Variants in VKORC1L1 observed in about 807,000 individuals in gnomAD.
The protein encoded by VKORC1L1 is vitamin K epoxide reductase complex subunit 1L1, also known as vitamin K epoxide reductase complex subunit 1-like protein 1.
VKORC1L1 carries 2 observed loss-of-function variants against 18.9 expected under a neutral mutation model. The ratio of observed to expected loss-of-function variants is 0.11; its 90% confidence interval spans 0.04 to 0.33. The LOEUF is 0.33. Among genes scored for constraint, VKORC1L1 ranks in the 10% least tolerant of loss-of-function variants. The pLI is 1.00. For synonymous variants in VKORC1L1, 96 were observed against 100.0 expected (o/e 0.96, Z 0.24); for missense variants, 123 against 224.1 (o/e 0.55, Z 2.88).
At chr7:65,895,471 AAAAAAAAAAATATAT>A (rs1415848852) in intron 1 of VKORC1L1, among the ~76,000 whole-genome samples, 12 of 56,010 alleles carry the variant, frequency 2.1e-4, no homozygotes, top group East Asian at 5.7e-4. Flanking sequence ...AAAAAAAAAA[AAAAAAAAAAATATAT>A]ATATATATAT....
chr7:65,896,776 T>G (rs1234113471), intron 1 of VKORC1L1, among the ~76,000 whole-genome samples: 2 of 152,100 alleles, frequency 1.3e-5, no homozygotes, highest in African/African-American at 2.4e-5. Flanking sequence ...TGAGGCAGGC[T>G]GATCACTTGA....
intron 1 of VKORC1L1, among the ~76,000 whole-genome samples, chr7:65,918,620 C>T (rs968358150): frequency 6.6e-6 from 1 of 152,224 alleles, no homozygotes; most frequent in Non-Finnish European, 1.5e-5. Context: ...GCATCCATTT[C>T]AAGGTGCTTT....
At chr7:65,909,879 G>A (rs145028646) in intron 1 of VKORC1L1, among the ~76,000 whole-genome samples, 10,785 of 151,874 alleles carry the variant, frequency 0.071, 1,258 homozygotes, top group African/African-American at 0.24. Context: ...CACCATGCCC[G>A]GCTAATTTTT....
At chr7:65,875,068 A>G (rs1028071632) in intron 1 of VKORC1L1, among the ~76,000 whole-genome samples, 3 of 152,214 alleles carry the variant, frequency 2.0e-5, no homozygotes, top group Non-Finnish European at 4.4e-5. Context: ...TGGACATAAA[A>G]TAGTTTAACT....
intron 1 of VKORC1L1, among the ~76,000 whole-genome samples, chr7:65,902,223 AACAG>A (rs1381139763): frequency 5.9e-5 from 9 of 152,250 alleles, no homozygotes; most frequent in African/African-American, 1.7e-4. Context: ...TGATGGAATT[AACAG>A]ACAAAGACAT....
Position 65,873,137 on chromosome 7 carries a change from G to GCGCGCGCCTTCCCCGCCC in VKORC1L1, c.-232_-215dup, listed in dbSNP as rs1788752335. The GCGCGCGCCTTCCCCGCCC allele has an allele frequency of 3.1e-6, 1 of 327,798 alleles. No homozygotes were observed. Among genetic ancestry groups the GCGCGCGCCTTCCCCGCCC allele is most frequent in the Non-Finnish European group, 4.4e-6 (1 of 229,684 alleles). 20.3% of individuals were successfully genotyped at this position (327,798 alleles called of 1,614,324 possible). A position where few individuals can be genotyped will look rare whatever the true frequency, so the allele number is the denominator to read the frequency against. Reference sequence around the variant, plus strand: ...CACTCCACCCCCTCCCTCCGCGCCCGCGCGCGCCTTCCCCGCCCCGTCCGC... The same window carrying GCGCGCGCCTTCCCCGCCC: ...CACTCCACCCCCTCCCTCCGCGCCCGCGCGCGCCTTCCCCGCCCCGCGCGCCTTCCCCGCCCCGTCCGC... On this transcript the variant is annotated 5_prime_UTR_variant, in exon 1 of 3. Coordinates refer to ENST00000360768, the MANE Select transcript of VKORC1L1 (RefSeq NM_173517.6).
intron 1 of VKORC1L1, among the ~76,000 whole-genome samples, chr7:65,913,169 A>G (rs936020242): frequency 6.6e-6 from 1 of 152,220 alleles, no homozygotes; most frequent in African/African-American, 2.4e-5. Context: ...TGCTATAACT[A>G]TGAAAAATTG....
intron 1 of VKORC1L1, among the ~76,000 whole-genome samples, chr7:65,935,553 T>C (rs34628538): frequency 0.13 from 19,284 of 152,016 alleles, 1,378 homozygotes; most frequent in Middle Eastern, 0.21. Context: ...TCGTGATCCA[T>C]CCGCCTCAGC....
intron 1 of VKORC1L1, among the ~76,000 whole-genome samples, chr7:65,912,908 G>A (rs1789523704): frequency 6.6e-6 from 1 of 152,132 alleles, no homozygotes; most frequent in African/African-American, 2.4e-5. Context: ...ATTTCTGTAT[G>A]TATTTCATCA....
At chr7:65,941,999 G>C (rs934424941) in intron 1 of VKORC1L1, among the ~76,000 whole-genome samples, 2 of 152,066 alleles carry the variant, frequency 1.3e-5, no homozygotes, top group Non-Finnish European at 2.9e-5. Context: ...ATTCACGCAT[G>C]TGTTCAGCTC....
rs1422261054 is a variant in VKORC1L1, at chr7:65,955,875, G to A, written c.*1575G>A. 1 of 152,188 alleles carries A rather than the reference G, an allele frequency of 6.6e-6. No individual in the cohort carries two copies. Among genetic ancestry groups the A allele is most frequent in the Non-Finnish European group, 1.5e-5 (1 of 68,030 alleles). 9.4% of individuals were successfully genotyped at this position (152,188 alleles called of 1,614,324 possible). A position where few individuals can be genotyped will look rare whatever the true frequency, so the allele number is the denominator to read the frequency against. On this transcript the variant is annotated 3_prime_UTR_variant, in exon 3 of 3. Coordinates refer to ENST00000360768, the MANE Select transcript of VKORC1L1 (RefSeq NM_173517.6). ...TTATTTGCCTTCTCTTTGAAGGGAG[G>A]GGACGGGCTCTGCTCTGTAAACTCA...
chr7:65,889,342 G>C (rs970797068), intron 1 of VKORC1L1, among the ~76,000 whole-genome samples: 3 of 152,142 alleles, frequency 2.0e-5, no homozygotes, highest in African/African-American at 4.8e-5. Flanking sequence ...AATTCAGTAT[G>C]TCCAAGATTT....
intron 1 of VKORC1L1, among the ~76,000 whole-genome samples, chr7:65,926,909 T>G (rs1789774590): frequency 6.6e-6 from 1 of 152,070 alleles, no homozygotes; most frequent in South Asian, 2.1e-4. Flanking sequence ...CTATGAGTAC[T>G]CAAAGGCAAA....
intron 1 of VKORC1L1, among the ~76,000 whole-genome samples, chr7:65,942,940 TG>T (rs1790061039): frequency 6.6e-6 from 1 of 152,242 alleles, no homozygotes; most frequent in Non-Finnish European, 1.5e-5. Flanking sequence ...CAGATCATTC[TG>T]GGCTCTGTGT....
upstream of VKORC1L1, among the ~76,000 whole-genome samples, chr7:65,872,540 C>T (rs1404132651): frequency 6.6e-6 from 1 of 152,112 alleles, no homozygotes; most frequent in Non-Finnish European, 1.5e-5. Context: ...GTAGGCCAGG[C>T]TGGTCTCGAA....
At chr7:65,945,386 C>T (rs1485003103) in intron 1 of VKORC1L1, among the ~76,000 whole-genome samples, 1 of 152,012 alleles carries the variant, frequency 6.6e-6, no homozygotes, top group African/African-American at 2.4e-5. Context: ...CCGAGGCGGG[C>T]AGATCACGAG....
intron 1 of VKORC1L1, among the ~76,000 whole-genome samples, chr7:65,940,791 C>T (rs931832628): frequency 1.3e-5 from 2 of 152,112 alleles, no homozygotes; most frequent in Admixed American, 6.6e-5. Flanking sequence ...GCAATTTGTG[C>T]TCAAAAGGAA....
intron 1 of VKORC1L1, among the ~76,000 whole-genome samples, chr7:65,913,510 G>A (rs1789536387): frequency 6.6e-6 from 1 of 151,964 alleles, no homozygotes; most frequent in East Asian, 1.9e-4. Context: ...TGGATCACTT[G>A]AGGTCAGGAG....
chr7:65,937,521 G>A (rs1418379929), intron 1 of VKORC1L1, among the ~76,000 whole-genome samples: 1 of 152,124 alleles, frequency 6.6e-6, no homozygotes. Flanking sequence ...AGCCTCCCTA[G>A]TAGCTAGGAC....
Sources: gnomAD v4.1 joint callset for allele counts (sites outside exome capture counted in the v4.1 genomes callset) on GRCh38, gnomAD v4.1.1 for gene constraint, MANE v1.5 for transcripts, NCBI Gene and HGNC (gene_info 2026-07-23, HGNC 2026-07-21) for gene names.